Variants in PTPRK observed in about 807,000 individuals in gnomAD.
The protein encoded by PTPRK is protein tyrosine phosphatase receptor type K.
PTPRK carries 75 observed loss-of-function variants against 178.0 expected under a neutral mutation model. That is an observed-to-expected ratio of 0.42 (90% CI 0.35 to 0.51). The LOEUF (loss-of-function observed/expected upper bound fraction) is 0.51, where lower values mean the gene tolerates loss of function less well. Ranked by LOEUF, PTPRK falls within the 20% of genes least tolerant of loss-of-function variation. The pLI is 0.02. For synonymous variants in PTPRK, 637 were observed against 620.6 expected (o/e 1.03, Z -0.39); for missense variants, 1,441 against 1,797.8 (o/e 0.80, Z 3.59).
intron 2 of PTPRK, among the ~76,000 whole-genome samples, chr6:128,354,341 C>T (rs955959321): frequency 1.5e-5 from 2 of 133,650 alleles, no homozygotes; most frequent in Admixed American, 8.8e-5. Flanking sequence ...GGGTTCACAC[C>T]ATTCTCCTGC....
chr6:127,970,169 G>T lies in PTPRK; in HGVS notation c.*58C>A. The T allele has an allele frequency of 1.4e-6, 2 of 1,394,400 alleles. No individual in the cohort carries two copies. Among genetic ancestry groups the T allele is most frequent in the African/African-American group, 1.4e-5 (1 of 69,336 alleles). 86.4% of individuals were successfully genotyped at this position (1,394,400 alleles called of 1,614,324 possible). A position where few individuals can be genotyped will look rare whatever the true frequency, so the allele number is the denominator to read the frequency against. On this transcript the variant is annotated 3_prime_UTR_variant, in exon 30 of 30. Transcript: ENST00000368226. ...CACAAGTGTAACAGGTACAACAGCT[G>T]CTGGCTCAATAGATGGACAGGTTTC...
At chr6:128,286,350 T>A (rs1822506315) in intron 3 of PTPRK, among the ~76,000 whole-genome samples, 1 of 152,286 alleles carries the variant, frequency 6.6e-6, no homozygotes, top group East Asian at 1.9e-4. Flanking sequence ...TGAAACCCAA[T>A]TACATGTCAG....
intron 15 of PTPRK, chr6:128,003,105 C>T: frequency 1.6e-6 from 2 of 1,287,662 alleles, no homozygotes; most frequent in Non-Finnish European, 2.2e-6. Context: ...ATCAAGCTGC[C>T]TCCTGCACTG....
In PTPRK at chr6:128,201,663, A is replaced by T. The variant is rs1805980623; in HGVS notation, c.869-16938T>A. On this transcript the variant is annotated intron_variant, in intron 6 of 29. Transcript: ENST00000368226. ...TGCTTGAAGCCAGGATTTCAAGAAT[A>T]GCCTGGGAAACATAGTGAGACCCCA... 2.0e-5 allele frequency among the ~76,000 whole-genome samples: 3 copies of T among 152,128 alleles called. No homozygotes were observed. In the South Asian group the frequency reaches 6.2e-4, roughly 32 times the overall value.
intron 6 of PTPRK, among the ~76,000 whole-genome samples, chr6:128,217,859 G>C (rs1809634558): frequency 6.6e-6 from 1 of 152,098 alleles, no homozygotes; most frequent in Non-Finnish European, 1.5e-5. Context: ...CCCCAGTTTA[G>C]ATATTTTTGC....
Position 128,520,323 on chromosome 6 carries a change from A to G in PTPRK, c.36T>C (p.Phe12=). The G allele has an allele frequency of 2.5e-6, 4 of 1,610,436 alleles. No homozygotes were observed. The highest frequency in any genetic ancestry group is 3.4e-6 in the Non-Finnish European group (4 of 1,178,392). The change falls in exon 1 of 30, where the codon TTT becomes TTC. Residue 12 remains phenylalanine, a synonymous_variant. Coordinates refer to ENST00000368226, the MANE Select transcript of PTPRK (RefSeq NM_002844.4). The part of the protein sequence containing the change: ...DTTAAAALPA[F]VALLLLSPWP... ...AAGGAGAGAGGAGCAAGAGCGCCAC[A>G]AAAGCAGGCAGCGCCGCCGCCGCAG... is the stretch of plus-strand genomic sequence containing the variant.
rs557289317 is a variant in PTPRK, at chr6:127,975,719, T to C, written c.3969+938A>G. On this transcript the variant is annotated intron_variant, in intron 27 of 29. Coordinates refer to ENST00000368226, the MANE Select transcript of PTPRK (RefSeq NM_002844.4). ...GGACGAAGTCTCGCTCTATACAGCC[T>C]GGGGTGCAGTGGCGTGATCTCAGCT... 3.3e-5 allele frequency among the ~76,000 whole-genome samples: 5 copies of C among 152,232 alleles called. No individual in the cohort carries two copies. The South Asian group carries it at 1.0e-3, about 32-fold the overall frequency.
chr6:128,486,286 C>T (rs1429314607), intron 1 of PTPRK, among the ~76,000 whole-genome samples: 1 of 151,946 alleles, frequency 6.6e-6, no homozygotes, highest in Non-Finnish European at 1.5e-5. Flanking sequence ...GCAGAAGCAC[C>T]ATTCTGTTTA....
chr6:128,122,145 C>T (rs1023962730), intron 7 of PTPRK, among the ~76,000 whole-genome samples: 5 of 151,998 alleles, frequency 3.3e-5, no homozygotes, highest in Admixed American at 1.3e-4. Context: ...AGAAATGTTA[C>T]GTATGCTTGT....
At chr6:128,363,016 C>A (rs975878371) in intron 2 of PTPRK, among the ~76,000 whole-genome samples, 5 of 152,094 alleles carry the variant, frequency 3.3e-5, no homozygotes, top group Non-Finnish European at 4.4e-5. Flanking sequence ...AAAAGAATCA[C>A]TGGGAATTCA....
At chr6:128,348,275 C>A (rs1288484519) in intron 2 of PTPRK, among the ~76,000 whole-genome samples, 1 of 151,638 alleles carries the variant, frequency 6.6e-6, no homozygotes, top group African/African-American at 2.4e-5. Context: ...AGCAAAGACC[C>A]AAAATGTAAA....
At chr6:128,176,353 G>C (rs1801074147) in intron 7 of PTPRK, among the ~76,000 whole-genome samples, 1 of 151,736 alleles carries the variant, frequency 6.6e-6, no homozygotes, top group Non-Finnish European at 1.5e-5. Flanking sequence ...GTTGTGGTGA[G>C]GGACTATGTA....
At chr6:128,296,880 AC>A (rs1824519056) in intron 3 of PTPRK, among the ~76,000 whole-genome samples, 1 of 152,118 alleles carries the variant, frequency 6.6e-6, no homozygotes, top group Non-Finnish European at 1.5e-5. Flanking sequence ...AACAATATTA[AC>A]TTTAAATGTA....
At chr6:128,500,889 C>G (rs1855464798) in intron 1 of PTPRK, 1 of 152,340 alleles carries the variant, frequency 6.6e-6, no homozygotes, top group African/African-American at 2.4e-5. Context: ...TCAAGCAATC[C>G]TCCTGCCTCC....
chr6:128,319,595 T>C (rs1828508492), intron 3 of PTPRK, among the ~76,000 whole-genome samples: 1 of 152,194 alleles, frequency 6.6e-6, no homozygotes, highest in African/African-American at 2.4e-5. Flanking sequence ...CAATATCTGG[T>C]ATTTAAAGCA....
chr6:128,048,727 T>G (rs1218566731), intron 13 of PTPRK, among the ~76,000 whole-genome samples: 5 of 152,184 alleles, frequency 3.3e-5, no homozygotes, highest in Admixed American at 6.5e-5. Flanking sequence ...ATCTAGAGAT[T>G]AAGTATACAG....
At chr6:128,387,341 TA>T (rs1247685797) in intron 2 of PTPRK, among the ~76,000 whole-genome samples, 1 of 152,188 alleles carries the variant, frequency 6.6e-6, no homozygotes, top group Non-Finnish European at 1.5e-5. Flanking sequence ...GTAGAACATT[TA>T]TAGCAACACA....
At position 128,149,676 on chromosome 6, in the gene PTPRK, A is replaced by G. The variant is rs576433187; in HGVS notation, c.1162+34756T>C. On this transcript the variant is annotated intron_variant, in intron 7 of 29. Coordinates refer to ENST00000368226, the MANE Select transcript of PTPRK (RefSeq NM_002844.4). Reference sequence around the variant, plus strand: ...GGTCTGCATGCAGAGTACTTGGTAAAGAACCTAGCACTTGGTAAGGTCTCA... The same window carrying G: ...GGTCTGCATGCAGAGTACTTGGTAAGGAACCTAGCACTTGGTAAGGTCTCA... Among the ~76,000 whole-genome samples the G allele has an allele frequency of 2.6e-3, 402 of 152,312 alleles. 1 individual carries two copies. The highest frequency in any genetic ancestry group is 4.1e-3 in the Non-Finnish European group (276 of 68,030).
intron 2 of PTPRK, among the ~76,000 whole-genome samples, chr6:128,345,976 A>T (rs1206846768): frequency 6.6e-6 from 1 of 152,178 alleles, no homozygotes; most frequent in Non-Finnish European, 1.5e-5. Flanking sequence ...TCCATTTTTT[A>T]AGTTATATTG....
Sources: gnomAD v4.1 joint callset for allele counts (sites outside exome capture counted in the v4.1 genomes callset) on GRCh38, gnomAD v4.1.1 for gene constraint, MANE v1.5 for transcripts, NCBI Gene and HGNC (gene_info 2026-07-23, HGNC 2026-07-21) for gene names.